The following SORCS2 variants were observed in gnomAD, a reference collection of about 807,000 sequenced individuals.
SORCS2 encodes VPS10 domain-containing receptor SorCS2.
In SORCS2, 100 loss-of-function variants were observed where a neutral mutation model predicts 141.6. That is an observed-to-expected ratio of 0.71 (90% CI 0.60 to 0.83). The LOEUF (loss-of-function observed/expected upper bound fraction) is 0.83, where lower values mean the gene tolerates loss of function less well. SORCS2 is among the 40% of genes least tolerant of loss of function. SORCS2 has a pLI of 0.00. For missense variants in SORCS2, 1,646 were observed against 1,560.2 expected (o/e 1.05, Z -0.93); for synonymous variants, 789 against 676.9 (o/e 1.17, Z -2.57).
chr4:7,444,961 C>A (rs1485157757), intron 2 of SORCS2, among the ~76,000 whole-genome samples: 1 of 152,122 alleles, frequency 6.6e-6, no homozygotes, highest in East Asian at 1.9e-4. Flanking sequence ...CCCAGGCAGG[C>A]AGACCTGTTG....
At position 7,627,516 on chromosome 4, in the gene SORCS2, T is replaced by C. The variant is rs80255836; in HGVS notation, c.649-10812T>C. ...TCCGCCTAGTTGAGAAAATCTCTTT[T>C]AGGAACCATGAATGCTGACAGATCT... On this transcript the variant is annotated intron_variant, in intron 3 of 26. Transcript: ENST00000507866. Among the ~76,000 whole-genome samples the C allele has an allele frequency of 4.4e-3, 668 of 152,300 alleles. 8 individuals carry two copies. The highest frequency in any genetic ancestry group is 0.015 in the African/African-American group (640 of 41,556).
rs555020239 is a variant in SORCS2 at position 7,602,617 on chromosome 4, C to G, written c.649-35711C>G. 1.6e-3 allele frequency among the ~76,000 whole-genome samples: 240 copies of G among 150,454 alleles called. 1 individual carries two copies. Among genetic ancestry groups the G allele is most frequent in the African/African-American group, 5.3e-3 (216 of 40,620 alleles). On this transcript the variant is annotated intron_variant, in intron 3 of 26. Transcript: ENST00000507866. ...TGACGGGATGACTGCCGGGAAGAGG[C>G]GCTCCTCACTTCCTTGACGGGATGA...
intron 5 of SORCS2, among the ~76,000 whole-genome samples, chr4:7,659,021 T>G (rs1721979005): frequency 6.6e-6 from 1 of 152,200 alleles, no homozygotes; most frequent in Non-Finnish European, 1.5e-5. Flanking sequence ...ACTGGTGTGG[T>G]AAATGGATAA....
At chr4:7,235,366 G>A (rs1473949338) in intron 1 of SORCS2, among the ~76,000 whole-genome samples, 1 of 152,240 alleles carries the variant, frequency 6.6e-6, no homozygotes, top group Non-Finnish European at 1.5e-5. Context: ...CTTTGGGGCA[G>A]GAACTGGTAA....
Position 7,561,185 on chromosome 4 carries a change from C to A in SORCS2, c.648+29556C>A, listed in dbSNP as rs560431429. On this transcript the variant is annotated intron_variant, in intron 3 of 26. Transcript: ENST00000507866. ...TGGGCCCAAATGGGGGCTTCGTGGC[C>A]CTTTATTCAAACCCACTCAGTTTTT... Among the ~76,000 whole-genome samples the A allele has an allele frequency of 7.2e-5, 11 of 152,238 alleles. No homozygotes were observed. The South Asian group carries it at 2.3e-3, about 32-fold the overall frequency.
intron 2 of SORCS2, among the ~76,000 whole-genome samples, chr4:7,521,494 C>A (rs1157581748): frequency 6.6e-6 from 1 of 152,156 alleles, no homozygotes; most frequent in Non-Finnish European, 1.5e-5. Context: ...ACCTTAGTTC[C>A]CTCTTCCTCT....
intron 3 of SORCS2, among the ~76,000 whole-genome samples, chr4:7,616,405 A>G (rs1718762151): frequency 1.3e-5 from 2 of 151,128 alleles, no homozygotes; most frequent in Non-Finnish European, 2.9e-5. Context: ...TAATCCATCT[A>G]TCCATCCATC....
At chr4:7,305,847 C>T (rs1717788489) in intron 1 of SORCS2, among the ~76,000 whole-genome samples, 1 of 152,232 alleles carries the variant, frequency 6.6e-6, no homozygotes, top group African/African-American at 2.4e-5. Flanking sequence ...CCGATCATCC[C>T]CCCAGATGCT....
chr4:7,261,592 G>C lies in SORCS2; in HGVS notation c.480+68466G>C, dbSNP rs1714327906. Among the ~76,000 whole-genome samples, 3 of 152,198 alleles carry C rather than the reference G, an allele frequency of 2.0e-5. No individual in the cohort carries two copies. In the South Asian group the frequency reaches 6.2e-4, roughly 32 times the overall value. On this transcript the variant is annotated intron_variant, in intron 1 of 26. Transcript: ENST00000507866. ...GCCCTGGCTTGCAAATTAGTTCCTT[G>C]AATGATCAGCTGTACATATCCTGCA...
At chr4:7,522,506 A>G (rs1733391470) in intron 2 of SORCS2, among the ~76,000 whole-genome samples, 1 of 152,132 alleles carries the variant, frequency 6.6e-6, no homozygotes, top group Non-Finnish European at 1.5e-5. Context: ...GAACTTGGTG[A>G]TGGTGCAGCT....
At chr4:7,340,141 C>T (rs1207310757) in intron 1 of SORCS2, among the ~76,000 whole-genome samples, 1 of 152,240 alleles carries the variant, frequency 6.6e-6, no homozygotes, top group African/African-American at 2.4e-5. Flanking sequence ...TCATTCTACA[C>T]AGGTTGACAA....
chr4:7,677,735 T>A (rs1269886970), intron 9 of SORCS2, among the ~76,000 whole-genome samples: 2 of 152,150 alleles, frequency 1.3e-5, no homozygotes, highest in Non-Finnish European at 2.9e-5. Flanking sequence ...AATGGAACCA[T>A]TTGTTTGCAA....
At chr4:7,208,609 C>T (rs1577276781) in intron 1 of SORCS2, among the ~76,000 whole-genome samples, 1 of 152,304 alleles carries the variant, frequency 6.6e-6, no homozygotes, top group East Asian at 1.9e-4. Context: ...TCTGTCTGCC[C>T]CAGTCCTGGT....
intron 1 of SORCS2, among the ~76,000 whole-genome samples, chr4:7,341,340 C>T (rs141122476): frequency 6.6e-6 from 1 of 152,348 alleles, no homozygotes; most frequent in Non-Finnish European, 1.5e-5. Flanking sequence ...CAGCTCTAAG[C>T]TCCTCCTCCA....
chr4:7,609,273 T>C (rs1373016712), intron 3 of SORCS2, among the ~76,000 whole-genome samples: 1 of 152,302 alleles, frequency 6.6e-6, no homozygotes, highest in East Asian at 1.9e-4. Flanking sequence ...AGGAATACAT[T>C]GGTTAAAATC....
At chr4:7,505,181 T>G (rs1171922922) in intron 2 of SORCS2, among the ~76,000 whole-genome samples, 1 of 152,088 alleles carries the variant, frequency 6.6e-6, no homozygotes, top group Non-Finnish European at 1.5e-5. Context: ...CGTTGTGGCT[T>G]CTGAATTTTA....
intron 1 of SORCS2, among the ~76,000 whole-genome samples, chr4:7,315,982 C>T (rs1470501957): frequency 1.3e-5 from 2 of 152,158 alleles, no homozygotes; most frequent in Non-Finnish European, 2.9e-5. Flanking sequence ...TTTATCCATC[C>T]ATCCATCCAT....
chr4:7,718,941 C>T (rs1283677210), intron 18 of SORCS2, among the ~76,000 whole-genome samples: 4 of 152,184 alleles, frequency 2.6e-5, no homozygotes, highest in Non-Finnish European at 5.9e-5. Flanking sequence ...TAAACTAATG[C>T]TCATTGTAGC....
intron 1 of SORCS2, among the ~76,000 whole-genome samples, chr4:7,209,242 C>T (rs550993721): frequency 3.3e-5 from 5 of 152,350 alleles, no homozygotes; most frequent in South Asian, 4.1e-4. Context: ...TGTCCTTCAG[C>T]GCCCGAGAGC....
Sources: gnomAD v4.1 joint callset for allele counts (sites outside exome capture counted in the v4.1 genomes callset) on GRCh38, gnomAD v4.1.1 for gene constraint, MANE v1.5 for transcripts, NCBI Gene and HGNC (gene_info 2026-07-23, HGNC 2026-07-21) for gene names.